Variants in USP54 observed in about 807,000 individuals in gnomAD.
USP54 encodes ubiquitin specific peptidase 54.
USP54 carries 87 observed loss-of-function variants against 170.5 expected under a neutral mutation model. The ratio of observed to expected loss-of-function variants is 0.51; its 90% CI spans 0.43 to 0.61. The LOEUF is 0.61. USP54 is among the 20% of genes least tolerant of loss of function. The pLI is 0.00. For missense variants in USP54, 1,786 were observed against 2,047.8 expected (o/e 0.87, Z 2.47); for synonymous variants, 655 against 742.8 (o/e 0.88, Z 1.92).
chr10:73,508,385 C>T (rs2059570317), intron 20 of USP54, among the ~76,000 whole-genome samples: 1 of 134,656 alleles, frequency 7.4e-6, no homozygotes, highest in Non-Finnish European at 1.5e-5. Context: ...CCAGACTGGG[C>T]GATAGAGTGA....
chr10:73,539,477 T>C lies in USP54; in HGVS notation c.942A>G (p.Lys314=), dbSNP rs2066096829. The C allele has an allele frequency of 1.9e-6, 3 of 1,610,330 alleles. No individual in the cohort carries two copies. Among genetic ancestry groups the C allele is most frequent in the Non-Finnish European group, 2.5e-6 (3 of 1,177,538 alleles). Residue 314 remains lysine, a synonymous_variant, in exon 10 of 24, where the codon AAA becomes AAG. Coordinates refer to ENST00000687698, the MANE Select transcript of USP54 (RefSeq NM_001391956.1). ...CATGAGCATCATCAAAATACATCCA[T>C]TTGCGAATCTTTGTTTGAAAAAAGA... ...STFFFQTKIR[K]WMYFDDAHVK... is the part of the protein sequence containing the mutation.
upstream of USP54, among the ~76,000 whole-genome samples, chr10:73,594,476 C>T (rs759587434): frequency 2.0e-5 from 3 of 152,070 alleles, no homozygotes; most frequent in Non-Finnish European, 2.9e-5. Flanking sequence ...GTGATCACAG[C>T]TCACTGAACC....
At chr10:73,624,190 A>ATATATG (rs2081318327) in intron 1 of USP54, among the ~76,000 whole-genome samples, 1 of 114,770 alleles carries the variant, frequency 8.7e-6, no homozygotes, top group African/African-American at 3.2e-5. Flanking sequence ...ATATATATAT[A>ATATATG]TATATGTATT....
intron 16 of USP54, among the ~76,000 whole-genome samples, chr10:73,525,180 A>G (rs1332343887): frequency 6.6e-6 from 1 of 152,174 alleles, no homozygotes; most frequent in Non-Finnish European, 1.5e-5. Flanking sequence ...AGCATAGAAA[A>G]AGACAGAAAG....
rs757154738 is a variant in USP54 at position 73,530,254 on chromosome 10, G to A, written c.1717C>T (p.Arg573Cys). The A allele has an allele frequency of 3.1e-6, 5 of 1,614,132 alleles. No homozygotes were observed. Among genetic ancestry groups the A allele is most frequent in the East Asian group, 2.2e-5 (1 of 44,874 alleles). The change falls in exon 14 of 24, where the codon CGT becomes TGT. Residue 573 changes from arginine to cysteine, a missense_variant. Arg to Cys is a radical substitution (Grantham distance 180). Around this residue, in one of 3 missense-constraint regions of USP54, gnomAD observed 1,418 missense variants for 1,569.0 expected, o/e 0.90. Coordinates refer to ENST00000687698, the MANE Select transcript of USP54 (RefSeq NM_001391956.1). ...ESKSSSSSKY[R>C]PTWRPKRESL... ...TCTCGTTTGGGTCTCCATGTGGGAC[G>A]ATACTTGCTGGAAGAACTGGATTTT...
chr10:73,625,030 AT>A (rs2081409053), intron 1 of USP54, among the ~76,000 whole-genome samples: 1 of 152,038 alleles, frequency 6.6e-6, no homozygotes, highest in Non-Finnish European at 1.5e-5. Context: ...CGTATTGCAC[AT>A]TTTTTCACCA....
rs571952203 is a variant in USP54 at position 73,553,845 on chromosome 10, T to C, written c.241-8173A>G. On this transcript the variant is annotated intron_variant, in intron 4 of 23. Transcript: ENST00000687698. ...GGCAAATCACTTTTTGTCTGTTAAC[T>C]AGTTTCTTGGATGCAGTACAAAAGC... Among the ~76,000 whole-genome samples, 251 of 152,350 alleles carry C rather than the reference T, an allele frequency of 1.6e-3. 1 individual carries two copies. Among genetic ancestry groups the C allele is most frequent in the African/African-American group, 5.8e-3 (242 of 41,586 alleles).
intron 4 of USP54, among the ~76,000 whole-genome samples, chr10:73,563,417 CTT>C (rs953940156): frequency 7.9e-5 from 12 of 151,950 alleles, no homozygotes; most frequent in African/African-American, 2.7e-4. Context: ...CCATTTTTCT[CTT>C]GACTCATTTA....
intron 4 of USP54, among the ~76,000 whole-genome samples, chr10:73,563,753 T>C (rs1401262316): frequency 6.6e-6 from 1 of 152,110 alleles, no homozygotes; most frequent in African/African-American, 2.4e-5. Flanking sequence ...TTATTTTTTA[T>C]AGGAATTTTC....
At chr10:73,552,273 C>T (rs896485015) in intron 4 of USP54, among the ~76,000 whole-genome samples, 8 of 152,068 alleles carry the variant, frequency 5.3e-5, no homozygotes, top group Non-Finnish European at 1.2e-4. Flanking sequence ...AGTAGCCGGG[C>T]GTTGCGGTGA....
Position 73,520,009 on chromosome 10 carries a change from A to G in USP54, c.2483-17T>C, listed in dbSNP as rs1292429329. On this transcript the variant is annotated splice_polypyrimidine_tract_variant and intron_variant, in intron 18 of 23. Transcript: ENST00000687698. The stretch of plus-strand genomic sequence containing the variant: ...TTAGTTTAGCTAAAATGCAAAAGAA[A>G]ATATAGCAGAAACAGAACACAAAAC... 1 of 1,573,322 alleles carries G rather than the reference A, an allele frequency of 6.4e-7. No individual in the cohort carries two copies. The highest frequency in any genetic ancestry group is 8.6e-7 in the Non-Finnish European group (1 of 1,157,996).
intron 1 of USP54, chr10:73,606,453 G>A (rs1323198517): frequency 6.6e-6 from 1 of 152,008 alleles, no homozygotes; most frequent in Non-Finnish European, 1.5e-5. Flanking sequence ...CAACACAGGA[G>A]AGCCCATCTC....
chr10:73,565,675 T>C (rs867801390), intron 4 of USP54, among the ~76,000 whole-genome samples: 14 of 152,246 alleles, frequency 9.2e-5, no homozygotes, highest in South Asian at 6.2e-4. Context: ...TATACATGAG[T>C]ACCACCACAC....
chr10:73,504,632 A>G, intron 22 of USP54: 1 of 622,098 alleles, frequency 1.6e-6, no homozygotes, highest in East Asian at 2.9e-5. Flanking sequence ...TACAACACGC[A>G]CGGCCTTTCA....
chr10:73,575,042 T>C (rs1409149907), intron 3 of USP54, among the ~76,000 whole-genome samples: 2 of 151,956 alleles, frequency 1.3e-5, no homozygotes, highest in Non-Finnish European at 2.9e-5. Context: ...CTGGCCAATA[T>C]GGTGAAACCC....
chr10:73,604,666 C>T (rs1268918916), intron 1 of USP54, among the ~76,000 whole-genome samples: 1 of 150,878 alleles, frequency 6.6e-6, no homozygotes, highest in Non-Finnish European at 1.5e-5. Flanking sequence ...TCTTGGCTCA[C>T]TGCAAGCTCC....
intron 11 of USP54, among the ~76,000 whole-genome samples, 175 bp from the exon 12 acceptor site, chr10:73,534,945 C>A (rs1302678203): frequency 6.6e-6 from 1 of 152,186 alleles, no homozygotes; most frequent in African/African-American, 2.4e-5. Flanking sequence ...TTCCAGATCA[C>A]CCAGACACAT....
At chr10:73,499,525 T>C (rs1417105456) in intron 23 of USP54, 2 of 199,466 alleles carry the variant, frequency 1.0e-5, no homozygotes, top group African/African-American at 2.3e-5. Context: ...GTATACTCCC[T>C]TTGTGATGAC....
chr10:73,620,688 A>G (rs2081020626), intron 1 of USP54, among the ~76,000 whole-genome samples: 1 of 150,458 alleles, frequency 6.6e-6, no homozygotes, highest in Non-Finnish European at 1.5e-5. Flanking sequence ...CTGTAATCCC[A>G]GCACTTTGGG....
Sources: allele counts gnomAD v4.1 joint callset (sites outside exome capture counted in the v4.1 genomes callset), GRCh38; gene constraint gnomAD v4.1.1; regional missense constraint gnomAD v4.1.1; transcripts MANE v1.5; gene names NCBI Gene and HGNC (gene_info 2026-07-23, HGNC 2026-07-21).